Variants in NFIA observed in about 807,000 individuals in gnomAD.
The protein encoded by NFIA is nuclear factor 1 A-type.
Under a neutral mutation model 62.8 loss-of-function variants are expected in NFIA, and 8 were observed. The ratio of observed to expected loss-of-function variants is 0.13; its 90% confidence interval spans 0.07 to 0.23. The LOEUF (loss-of-function observed/expected upper bound fraction) is 0.23. NFIA is among the 10% of genes least tolerant of loss of function. NFIA has a pLI of 1.00. For synonymous variants in NFIA, 235 were observed against 238.1 expected, an observed-to-expected ratio of 0.99 and a Z score of 0.12; for missense variants, 410 against 642.1, an observed-to-expected ratio of 0.64 and a Z score of 3.91.
intron 2 of NFIA, among the ~76,000 whole-genome samples, chr1:61,224,366 T>C (rs1654199280): frequency 6.6e-6 from 1 of 152,170 alleles, no homozygotes; most frequent in Non-Finnish European, 1.5e-5. Context: ...TACTGTTGTC[T>C]CTCTTGGAGA....
chr1:61,324,230 C>A (rs1557706572), intron 3 of NFIA, among the ~76,000 whole-genome samples: 1 of 152,196 alleles, frequency 6.6e-6, no homozygotes, highest in African/African-American at 2.4e-5. Flanking sequence ...CTAGCACAGA[C>A]CTGCACAGCA....
chr1:61,215,023 T>G (rs957867082), intron 2 of NFIA, among the ~76,000 whole-genome samples: 13 of 150,862 alleles, frequency 8.6e-5, no homozygotes, highest in African/African-American at 2.7e-4. Context: ...ATAGTACCAC[T>G]TCTTCAACAA....
intron 6 of NFIA, among the ~76,000 whole-genome samples, chr1:61,375,782 C>A (rs1664122048): frequency 6.6e-6 from 1 of 152,142 alleles, no homozygotes; most frequent in East Asian, 1.9e-4. Context: ...GAAAGCTATC[C>A]CTTGCTTCCC....
At chr1:61,334,589 ATATATATATATATATATATATATG>A (rs1661497295) in intron 4 of NFIA, among the ~76,000 whole-genome samples, 2 of 92,870 alleles carry the variant, frequency 2.2e-5, no homozygotes, top group Non-Finnish European at 2.3e-5. Context: ...ATATATATAT[ATATATATATATATATATATATATG>A]TATCAGACCA....
Position 61,411,255 on chromosome 1 carries a change from G to GA in NFIA, c.1420+4536dup, listed in dbSNP as rs200951809. Among the ~76,000 whole-genome samples the GA allele has an allele frequency of 8.7e-3, 1,313 of 151,608 alleles. 16 individuals are homozygous for GA. The highest frequency in any genetic ancestry group is 0.03 in the African/African-American group (1,237 of 41,300). On this transcript the variant is annotated intron_variant, in intron 9 of 10. Transcript: ENST00000403491. ...AAGCAGGGGGAAGGCAGATGTGGGG[G>GA]AAAAAAAATCCTGTGAAATAAATAC...
intron 2 of NFIA, among the ~76,000 whole-genome samples, chr1:61,096,082 AG>A (rs1027983489): frequency 6.6e-6 from 1 of 152,222 alleles, no homozygotes; most frequent in Non-Finnish European, 1.5e-5. Flanking sequence ...TTTAAAATAA[AG>A]CCAAAATCAT....
chr1:61,287,102 A>G (rs147100834), intron 3 of NFIA, among the ~76,000 whole-genome samples: 1 of 152,294 alleles, frequency 6.6e-6, no homozygotes, highest in Non-Finnish European at 1.5e-5. Flanking sequence ...AAGAATGCAC[A>G]TATGAGTCCA....
intron 2 of NFIA, among the ~76,000 whole-genome samples, chr1:61,263,173 A>G (rs1656876447): frequency 6.6e-6 from 1 of 152,056 alleles, no homozygotes; most frequent in Non-Finnish European, 1.5e-5. Context: ...CTTCTTTCCT[A>G]GTAACCAAAA....
intron 2 of NFIA, among the ~76,000 whole-genome samples, chr1:61,219,100 C>T (rs1338555108): frequency 6.6e-6 from 1 of 151,854 alleles, no homozygotes; most frequent in Non-Finnish European, 1.5e-5. Context: ...GGTGTAGTGG[C>T]GGGCACCTAT....
chr1:61,249,649 A>G (rs546114087), intron 2 of NFIA, among the ~76,000 whole-genome samples: 1 of 152,092 alleles, frequency 6.6e-6, no homozygotes, highest in Non-Finnish European at 1.5e-5. Flanking sequence ...TACTAAAAAT[A>G]CAAAAATTAG....
chr1:61,406,735 T>C lies in NFIA; in HGVS notation c.1420+8T>C. On this transcript the variant is annotated splice_region_variant and intron_variant, in intron 9 of 10. Coordinates refer to ENST00000403491, the MANE Select transcript of NFIA (RefSeq NM_001134673.4). ...CCTCCCCCACGTCACCAAGTAAGTA[T>C]GGCTGCGACAAGGCGCCGGTCACTT... 6 of 1,599,824 alleles carry C rather than the reference T, an allele frequency of 3.8e-6. No homozygotes were observed. Among genetic ancestry groups the C allele is most frequent in the Non-Finnish European group, 5.1e-6 (6 of 1,173,036 alleles).
intron 10 of NFIA, among the ~76,000 whole-genome samples, chr1:61,431,531 G>A (rs1667096054): frequency 6.6e-6 from 1 of 152,258 alleles, no homozygotes. Context: ...ACTATTAGAA[G>A]AATCACTTGG....
chr1:61,142,598 A>G (rs1647611754), intron 2 of NFIA, among the ~76,000 whole-genome samples: 1 of 152,212 alleles, frequency 6.6e-6, no homozygotes, highest in Non-Finnish European at 1.5e-5. Context: ...TTATGAATGA[A>G]CACAGGATTA....
chr1:61,250,249 C>G (rs1318998804), intron 2 of NFIA: 2 of 152,128 alleles, frequency 1.3e-5, no homozygotes. Context: ...AATGTGCTTT[C>G]ATTTATATTC....
intron 2 of NFIA, among the ~76,000 whole-genome samples, chr1:61,092,516 T>A (rs1388944913): frequency 2.6e-5 from 4 of 152,224 alleles, no homozygotes; most frequent in East Asian, 3.8e-4. Flanking sequence ...AGGAGCTGTT[T>A]CAGTGTCTCG....
chr1:61,405,455 G>A (rs1371134229), intron 8 of NFIA, among the ~76,000 whole-genome samples: 2 of 152,182 alleles, frequency 1.3e-5, no homozygotes, highest in East Asian at 3.9e-4. Flanking sequence ...ATAAGTAAAT[G>A]TTGATGGGGG....
At chr1:61,185,232 A>G (rs1263883928) in intron 2 of NFIA, among the ~76,000 whole-genome samples, 1 of 152,180 alleles carries the variant, frequency 6.6e-6, no homozygotes, top group Non-Finnish European at 1.5e-5. Flanking sequence ...CTGTTTCCAC[A>G]TATGTATAAT....
intron 2 of NFIA, among the ~76,000 whole-genome samples, chr1:61,268,918 C>G (rs1657342214): frequency 1.3e-5 from 2 of 152,056 alleles, no homozygotes; most frequent in African/African-American, 2.4e-5. Flanking sequence ...CTGTCAGACT[C>G]TCCGCACACT....
At chr1:61,125,157 G>A (rs1471745386) in intron 2 of NFIA, 1 of 152,166 alleles carries the variant, frequency 6.6e-6, no homozygotes, top group African/African-American at 2.4e-5. Flanking sequence ...TCTAACTAAA[G>A]ATCTTTTGTA....
Sources: allele counts gnomAD v4.1 joint callset (sites outside exome capture counted in the v4.1 genomes callset), GRCh38; gene constraint gnomAD v4.1.1; transcripts MANE v1.5; gene names NCBI Gene and HGNC (gene_info 2026-07-23, HGNC 2026-07-21).